Variants in ALPK1 observed in about 807,000 individuals in gnomAD.
The protein encoded by ALPK1 is alpha-protein kinase 1.
In ALPK1, 110 loss-of-function variants were observed where a neutral mutation model predicts 120.6. The observed-to-expected ratio is 0.91, with a 90% CI of 0.78 to 1.07. The LOEUF (loss-of-function observed/expected upper bound fraction) is 1.07, where lower values mean the gene tolerates loss of function less well. Among genes scored for constraint, ALPK1 ranks in the 50% least tolerant of loss-of-function variants. The pLI is 0.00. For synonymous variants in ALPK1, 582 were observed against 560.3 expected, an observed-to-expected ratio of 1.04 and a Z score of -0.55; for missense variants, 1,498 against 1,483.9, an observed-to-expected ratio of 1.01 and a Z score of -0.16.
Position 112,425,685 on chromosome 4 carries a change from G to C in ALPK1, c.556G>C (p.Glu186Gln). The change falls in exon 7 of 16, where the codon GAA becomes CAA. Residue 186 changes from glutamate (E) to glutamine (Q), a missense_variant. Glu to Gln is a conservative substitution (Grantham distance 29). Coordinates refer to ENST00000650871, the MANE Select transcript of ALPK1 (RefSeq NM_025144.4). ...GATGTWLYRN[E>Q]SDKVLVQSVC... ...TTTAGGTACCTGGCTGTACAGAAAT[G>C]AAAGTGACAAGGTCCTGGTGCAGTC... 1 of 1,613,102 alleles carries C rather than the reference G, an allele frequency of 6.2e-7. No homozygotes were observed. Among genetic ancestry groups the C allele is most frequent in the Non-Finnish European group, 8.5e-7 (1 of 1,179,222 alleles).
intron 2 of ALPK1, chr4:112,358,945 A>G (rs1409269011): frequency 3.9e-6 from 3 of 769,102 alleles, no homozygotes; most frequent in Non-Finnish European, 7.3e-6. Flanking sequence ...CAGGGCTTCT[A>G]CCAGTTTGTG....
chr4:112,350,346 A>G (rs1730297470), intron 2 of ALPK1, among the ~76,000 whole-genome samples: 1 of 152,208 alleles, frequency 6.6e-6, no homozygotes, highest in Non-Finnish European at 1.5e-5. Flanking sequence ...AAATAATGCA[A>G]TGCTTCACAG....
At chr4:112,318,969 T>C (rs1728749601) in intron 2 of ALPK1, among the ~76,000 whole-genome samples, 1 of 152,186 alleles carries the variant, frequency 6.6e-6, no homozygotes, top group Admixed American at 6.5e-5. Context: ...CCATGCCAAG[T>C]TCAGGAGTTT....
chr4:112,429,057 C>T (rs1025035318), intron 9 of ALPK1, 92 bp from the exon 10 acceptor site: 2 of 1,158,764 alleles, frequency 1.7e-6, no homozygotes, highest in Non-Finnish European at 2.6e-6. Context: ...CCCTTGAAAT[C>T]ATGAAAGAAA....
intron 2 of ALPK1, among the ~76,000 whole-genome samples, chr4:112,362,352 T>A (rs190782367): frequency 2.9e-4 from 44 of 152,202 alleles, no homozygotes; most frequent in African/African-American, 1.0e-3. Flanking sequence ...TACAAGATAT[T>A]AATGGAAAAA....
chr4:112,434,993 G>T (rs751635823), intron 11 of ALPK1, among the ~76,000 whole-genome samples, 155 bp from the exon 12 acceptor site: 8 of 152,222 alleles, frequency 5.3e-5, no homozygotes, highest in Middle Eastern at 3.4e-3. Context: ...TTTTAATACT[G>T]TAGTTGTCAT....
rs879092920 is a variant in ALPK1 at position 112,438,724 on chromosome 4, C to T, written c.3351+78C>T. On this transcript the variant is annotated intron_variant, in intron 13 of 15. Coordinates refer to ENST00000650871, the MANE Select transcript of ALPK1 (RefSeq NM_025144.4). The stretch of plus-strand genomic sequence containing the variant: ...CAATTAATCTGAGTATCTGGTTCCA[C>T]ATAATCAGGCTAGCATTTTTAGCAA... The T allele has an allele frequency of 1.4e-5, 21 of 1,495,514 alleles. 2 individuals carry two copies. The South Asian group carries it at 2.5e-4, about 18-fold the overall frequency. The allele number at this position is 1,495,514 out of a possible 1,614,324, so 92.6% of individuals were successfully genotyped here.
At chr4:112,329,435 T>C (rs531302371) in intron 2 of ALPK1, among the ~76,000 whole-genome samples, 28 of 152,296 alleles carry the variant, frequency 1.8e-4, no homozygotes, top group South Asian at 8.3e-4. Context: ...CTGAGAACAT[T>C]ACCCCTGCCC....
chr4:112,326,147 C>G (rs899206576), intron 2 of ALPK1, among the ~76,000 whole-genome samples: 1 of 152,184 alleles, frequency 6.6e-6, no homozygotes, highest in African/African-American at 2.4e-5. Context: ...TTTCACCAGT[C>G]AGTTTTTCCT....
chr4:112,423,924 A>C lies in ALPK1; in HGVS notation c.476-20A>C, dbSNP rs746240245. 1 of 1,613,800 alleles carries C rather than the reference A, an allele frequency of 6.2e-7. No individual in the cohort carries two copies. The highest frequency in any genetic ancestry group is 1.7e-5 in the Admixed American group (1 of 59,988). On this transcript the variant is annotated intron_variant, in intron 5 of 15. Transcript: ENST00000650871. ...GCATGTTCAAAGCTAATTGTGTGGC[A>C]TTTGGTTGCTGCTTTTCAGGAAAAC...
chr4:112,412,229 A>T (rs904357434), intron 5 of ALPK1, among the ~76,000 whole-genome samples: 7 of 151,912 alleles, frequency 4.6e-5, no homozygotes, highest in African/African-American at 1.7e-4. Context: ...AGGGTTTCAG[A>T]GCCAAAAGCA....
intron 2 of ALPK1, among the ~76,000 whole-genome samples, chr4:112,375,824 C>A (rs1313368907): frequency 2.0e-5 from 3 of 151,786 alleles, no homozygotes; most frequent in African/African-American, 4.8e-5. Context: ...TGACTTTCAA[C>A]ATGCCTTTCT....
intron 1 of ALPK1, among the ~76,000 whole-genome samples, chr4:112,297,875 C>T (rs1475789907): frequency 6.6e-6 from 1 of 151,788 alleles, no homozygotes; most frequent in Non-Finnish European, 1.5e-5. Flanking sequence ...ATGACTTTTG[C>T]CTGGAATACA....
At chr4:112,414,630 A>C in intron 5 of ALPK1, 1 of 179,774 alleles carries the variant, frequency 5.6e-6, no homozygotes, top group Non-Finnish European at 1.2e-5. Flanking sequence ...AAGAGAGACG[A>C]CTCACAAGGC....
chr4:112,409,845 A>G (rs1480087684), intron 4 of ALPK1, among the ~76,000 whole-genome samples: 1 of 152,164 alleles, frequency 6.6e-6, no homozygotes, highest in African/African-American at 2.4e-5. Context: ...GAGAGAAGAG[A>G]TATTCTCCCC....
In ALPK1 at chr4:112,391,062, T is replaced by C. The variant is rs190770272; in HGVS notation, c.276+8510T>C. Reference sequence around the variant, plus strand: ...GCTAGACTGAGGTAGATTGTATTATTGTTCCCACATATTCACTTTTGCCAT... The same window carrying C: ...GCTAGACTGAGGTAGATTGTATTATCGTTCCCACATATTCACTTTTGCCAT... On this transcript the variant is annotated intron_variant, in intron 4 of 15. Transcript: ENST00000650871. 2.9e-3 allele frequency among the ~76,000 whole-genome samples: 436 copies of C among 152,356 alleles called. 1 individual carries two copies. Among genetic ancestry groups the C allele is most frequent in the African/African-American group, 9.8e-3 (409 of 41,588 alleles).
intron 1 of ALPK1, among the ~76,000 whole-genome samples, chr4:112,313,624 G>A (rs1217405212): frequency 6.6e-6 from 1 of 152,198 alleles, no homozygotes; most frequent in Non-Finnish European, 1.5e-5. Context: ...TTGGGAGGCT[G>A]AGGCACAAGA....
chr4:112,398,661 A>G (rs1203967473), intron 4 of ALPK1, among the ~76,000 whole-genome samples: 1 of 152,160 alleles, frequency 6.6e-6, no homozygotes, highest in Non-Finnish European at 1.5e-5. Flanking sequence ...GGGAACTGAC[A>G]TGATTAGGCT....
intron 5 of ALPK1, chr4:112,414,348 T>C (rs1733635182): frequency 4.2e-6 from 2 of 472,338 alleles, no homozygotes; most frequent in Admixed American, 2.2e-5. Flanking sequence ...GGCTCATGCC[T>C]GTAATCCCAG....
Sources: allele counts gnomAD v4.1 joint callset (sites outside exome capture counted in the v4.1 genomes callset), GRCh38; gene constraint gnomAD v4.1.1; transcripts MANE v1.5; gene names NCBI Gene and HGNC (gene_info 2026-07-23, HGNC 2026-07-21).